IL1RAPL1: variants seen among roughly 807,000 people sequenced by gnomAD.
The protein encoded by IL1RAPL1 is interleukin-1 receptor accessory protein-like 1.
IL1RAPL1 carries 3 observed loss-of-function variants against 48.4 expected under a neutral mutation model. That is an observed-to-expected ratio of 0.06 (90% CI 0.03 to 0.16). The LOEUF (loss-of-function observed/expected upper bound fraction) is 0.16, where lower values mean the gene tolerates loss of function less well. Among genes scored for constraint, IL1RAPL1 ranks in the 10% least tolerant of loss-of-function variants. The probability of loss-of-function intolerance (pLI) is 1.00; values close to 1 mark genes in which losing one functional copy is unlikely to be tolerated. For synonymous variants in IL1RAPL1, 185 were observed against 187.7 expected (o/e 0.99, Z 0.12); for missense variants, 349 against 530.6 (o/e 0.66, Z 3.36).
intron 2 of IL1RAPL1, among the ~76,000 whole-genome samples, chrX:29,154,882 CA>C (rs1298171865): frequency 9.0e-6 from 1 of 111,507 alleles, no homozygotes; most frequent in East Asian, 2.8e-4. Flanking sequence ...AATATTCACA[CA>C]ATATTGATAC....
At chrX:28,838,496 T>C (rs1477164281) in intron 2 of IL1RAPL1, among the ~76,000 whole-genome samples, 2 of 110,766 alleles carry the variant, frequency 1.8e-5, no homozygotes, top group South Asian at 7.6e-4. Context: ...AAAAGAGAAA[T>C]GAGTGTGGTC....
chrX:29,774,631 T>C (rs1929149298), intron 6 of IL1RAPL1, among the ~76,000 whole-genome samples: 1 of 112,032 alleles, frequency 8.9e-6, no homozygotes, highest in South Asian at 3.7e-4. Flanking sequence ...TTGTTTGTTA[T>C]AAATTTCAGT....
chrX:29,174,934 C>T (rs1171230051), intron 2 of IL1RAPL1, among the ~76,000 whole-genome samples: 2 of 109,638 alleles, frequency 1.8e-5, no homozygotes, highest in Non-Finnish European at 3.8e-5. Context: ...ATTAGCCGGG[C>T]GTGGTGGCGG....
chrX:29,237,516 C>T (rs1303333172), intron 2 of IL1RAPL1, among the ~76,000 whole-genome samples: 1 of 112,302 alleles, frequency 8.9e-6, no homozygotes, highest in South Asian at 3.7e-4. Context: ...ATGTACACAT[C>T]GATAAGTAGT....
chrX:29,915,203 A>G (rs552686971), intron 6 of IL1RAPL1, among the ~76,000 whole-genome samples: 4 of 111,861 alleles, frequency 3.6e-5, no homozygotes, highest in African/African-American at 1.3e-4. Context: ...GAGGCTGAGC[A>G]GGAGAATTGC....
At chrX:29,915,889 TCCCTCCC>T (rs765723964) in intron 6 of IL1RAPL1, among the ~76,000 whole-genome samples, 4,833 of 48,599 alleles carry the variant, frequency 0.099, 350 homozygotes, top group Non-Finnish European at 0.12. Flanking sequence ...CCCAATGCTA[TCCCTCCC>T]CCCTCCCCCC....
intron 1 of IL1RAPL1, among the ~76,000 whole-genome samples, chrX:28,646,360 C>G (rs1045911214): frequency 8.9e-6 from 1 of 112,174 alleles, no homozygotes; most frequent in African/African-American, 3.2e-5. Context: ...CTATGCAGCC[C>G]AGTTCTGACC....
chrX:29,446,439 T>G (rs1427614593), intron 5 of IL1RAPL1, among the ~76,000 whole-genome samples: 1 of 111,776 alleles, frequency 8.9e-6, no homozygotes, highest in East Asian at 2.8e-4. Flanking sequence ...TTTAGAAACT[T>G]AGAAAACCAT....
chrX:28,709,870 G>A, intron 1 of IL1RAPL1, among the ~76,000 whole-genome samples: 1 of 111,091 alleles, frequency 9.0e-6, no homozygotes, highest in Non-Finnish European at 1.9e-5. Flanking sequence ...TCCCAAACTA[G>A]GAATGCATTC....
chrX:28,946,767 T>C (rs1052470350), intron 2 of IL1RAPL1, among the ~76,000 whole-genome samples: 7 of 111,426 alleles, frequency 6.3e-5, no homozygotes, highest in Non-Finnish European at 1.3e-4. Context: ...TTGAAGGCAG[T>C]GTCCATATGT....
At chrX:28,927,192 G>T (rs1297855449) in intron 2 of IL1RAPL1, among the ~76,000 whole-genome samples, 1 of 109,787 alleles carries the variant, frequency 9.1e-6, no homozygotes, top group African/African-American at 3.3e-5. Flanking sequence ...ACTGTGTCCA[G>T]CCTAAATCTA....
Position 29,608,562 on chromosome X carries a change from T to G in IL1RAPL1, c.704-59868T>G, listed in dbSNP as rs143513426. Reference sequence around the variant, plus strand: ...GAGGAGGAGGCCGGGCGCGGTGGCTTATGCCTGTAATCCCAGCATTTTGGG... The same window carrying G: ...GAGGAGGAGGCCGGGCGCGGTGGCTGATGCCTGTAATCCCAGCATTTTGGG... On this transcript the variant is annotated intron_variant, in intron 5 of 10. Transcript: ENST00000378993. Among the ~76,000 whole-genome samples the G allele has an allele frequency of 4.3e-3, 474 of 110,843 alleles. 5 individuals carry two copies. Among genetic ancestry groups the G allele is most frequent in the African/African-American group, 0.015 (451 of 30,499 alleles).
At chrX:28,923,179 C>CT (rs746840935) in intron 2 of IL1RAPL1, among the ~76,000 whole-genome samples, 37 of 110,993 alleles carry the variant, frequency 3.3e-4, no homozygotes, top group African/African-American at 1.1e-3. Flanking sequence ...CTTTTTCTTT[C>CT]TTTTCTTTTT....
Position 29,576,890 on chromosome X carries a change from T to C in IL1RAPL1, c.704-91540T>C, listed in dbSNP as rs931133910. Among the ~76,000 whole-genome samples the C allele has an allele frequency of 4.2e-5, 3 of 71,996 alleles. No individual in the cohort carries two copies. In the East Asian group the frequency reaches 1.4e-3, roughly 34 times the overall value. 62.5% of individuals were successfully genotyped at this position (71,996 alleles called of 115,157 possible). A position where few individuals can be genotyped will look rare whatever the true frequency, so the allele number is the denominator to read the frequency against. On this transcript the variant is annotated intron_variant, in intron 5 of 10. Transcript: ENST00000378993. ...ATTGATTTATATTTCATAAAGACTT[T>C]GTTGGTTACAAAAAAAAAATCCTCA...
intron 6 of IL1RAPL1, among the ~76,000 whole-genome samples, chrX:29,764,074 C>A (rs1353952468): frequency 1.8e-5 from 2 of 111,180 alleles, no homozygotes; most frequent in Non-Finnish European, 3.8e-5. Flanking sequence ...GCCCTTAAAG[C>A]GTGCTATGAA....
chrX:28,905,178 C>CATT (rs773724101), intron 2 of IL1RAPL1, among the ~76,000 whole-genome samples: 27 of 111,163 alleles, frequency 2.4e-4, no homozygotes, highest in African/African-American at 8.1e-4. Context: ...ATTTTCTATG[C>CATT]ATTATTATTA....
At chrX:29,453,105 A>C (rs898479258) in intron 5 of IL1RAPL1, among the ~76,000 whole-genome samples, 1 of 108,161 alleles carries the variant, frequency 9.2e-6, no homozygotes, top group South Asian at 4.2e-4. Context: ...TTGTATTTTT[A>C]GTAGAGACAG....
chrX:29,204,983 T>G (rs1157172372), intron 2 of IL1RAPL1, among the ~76,000 whole-genome samples: 1 of 112,045 alleles, frequency 8.9e-6, no homozygotes, highest in African/African-American at 3.2e-5. Flanking sequence ...AGATTAAAAT[T>G]TTTTGGTAGC....
At chrX:29,780,218 A>G (rs191069607) in intron 6 of IL1RAPL1, among the ~76,000 whole-genome samples, 2 of 112,091 alleles carry the variant, frequency 1.8e-5, no homozygotes. Flanking sequence ...AAGTGTTACA[A>G]ATTCTTAAAA....
Sources: gnomAD v4.1 joint callset for allele counts (sites outside exome capture counted in the v4.1 genomes callset) on GRCh38, gnomAD v4.1.1 for gene constraint, MANE v1.5 for transcripts, NCBI Gene and HGNC (gene_info 2026-07-23, HGNC 2026-07-21) for gene names.